The following RAD9B variants were observed in gnomAD, a reference collection of about 807,000 sequenced individuals.
The protein encoded by RAD9B is cell cycle checkpoint control protein RAD9B.
Under a neutral mutation model 48.3 loss-of-function variants are expected in RAD9B, and 41 were observed. That is an observed-to-expected ratio of 0.85 (90% confidence interval 0.66 to 1.10). RAD9B has a LOEUF of 1.10. RAD9B is among the 50% of genes least tolerant of loss of function. RAD9B has a pLI of 0.00. For synonymous variants in RAD9B, 160 were observed against 157.9 expected, an observed-to-expected ratio of 1.01 and a Z score of -0.10; for missense variants, 444 against 485.1, an observed-to-expected ratio of 0.92 and a Z score of 0.80.
At chr12:110,506,553 G>C (rs1344391407) in intron 3 of RAD9B, 26 bp from the exon 4 acceptor site, 1 of 1,055,266 alleles carries the variant, frequency 9.5e-7, no homozygotes, top group African/African-American at 1.6e-5. Flanking sequence ...TTAAGTATGT[G>C]CTTAATATGT....
chr12:110,503,366 TATGTTGGATAC>T (rs1354158407), intron 1 of RAD9B: 1 of 163,356 alleles, frequency 6.1e-6, no homozygotes, highest in Non-Finnish European at 1.3e-5. Context: ...ATCAGAGATG[TATGTTGGATAC>T]CCCTAATTTC....
In RAD9B at chr12:110,525,694, G is replaced by A. The variant is rs139170905; in HGVS notation, c.1125+3283G>A. On this transcript the variant is annotated intron_variant, in intron 10 of 10. Coordinates refer to ENST00000409300, the MANE Select transcript of RAD9B (RefSeq NM_001286535.2). ...TCTTTTAGCAACTGGTAAGTATTTT[G>A]TGGAGAGATACTTTGATACTATGTC... Among the ~76,000 whole-genome samples the A allele has an allele frequency of 1.9e-4, 29 of 152,044 alleles. 1 individual carries two copies. Among genetic ancestry groups the A allele is most frequent in the Non-Finnish European group, 3.7e-4 (25 of 67,980 alleles).
chr12:110,530,914 C>T lies in RAD9B; in HGVS notation c.*261C>T. ...TGAAGGAAAAAAGCCCATTAGAGTT[C>T]TTCAATTCAATGCACGTTCACCCTA... On this transcript the variant is annotated 3_prime_UTR_variant, in exon 11 of 11. Transcript: ENST00000409300. 2.5e-6 allele frequency: 3 copies of T among 1,193,570 alleles called. No individual in the cohort carries two copies. 73.9% of individuals were successfully genotyped at this position (1,193,570 alleles called of 1,614,324 possible). A position where few individuals can be genotyped will look rare whatever the true frequency, so the allele number is the denominator to read the frequency against.
chr12:110,503,809 T>C lies in RAD9B; in HGVS notation c.50T>C (p.Phe17Ser). The change falls in exon 2 of 11, where the codon TTT (phenylalanine) becomes TCT (serine). Residue 17 changes from phenylalanine to serine, a missense_variant. Coordinates refer to ENST00000409300, the MANE Select transcript of RAD9B (RefSeq NM_001286535.2). ...TCACCTTTCTTTTTCTCCATAGTAT[T>C]TGGGAAAGCAGTTCAAGCTCTATCA... is the stretch of plus-strand genomic sequence containing the variant. ...CVMSGSQVKV[F>S]GKAVQALSRI... is the part of the protein sequence containing the mutation. 2 of 1,606,710 alleles carry C rather than the reference T, an allele frequency of 1.2e-6. No individual in the cohort carries two copies. Among genetic ancestry groups the C allele is most frequent in the East Asian group, 2.2e-5 (1 of 44,778 alleles).
At chr12:110,520,628 CT>C (rs71083129) in intron 9 of RAD9B, among the ~76,000 whole-genome samples, 32 of 99,974 alleles carry the variant, frequency 3.2e-4, no homozygotes, top group Admixed American at 5.1e-4. Flanking sequence ...TTCTTGCTTT[CT>C]TTTTTTTTTT....
intron 6 of RAD9B, among the ~76,000 whole-genome samples, chr12:110,516,299 G>T (rs2063598413): frequency 6.6e-6 from 1 of 152,020 alleles, no homozygotes; most frequent in African/African-American, 2.4e-5. Flanking sequence ...GAAAGGGTCT[G>T]TTTTATGTAC....
At chr12:110,520,347 A>G (rs749193531) in intron 9 of RAD9B, among the ~76,000 whole-genome samples, 6 of 152,080 alleles carry the variant, frequency 3.9e-5, no homozygotes, top group Non-Finnish European at 8.8e-5. Context: ...AGCTGGGACT[A>G]TAGGCATGTG....
At position 110,512,824 on chromosome 12, in the gene RAD9B, T is replaced by C. The variant is rs1283265636; in HGVS notation, c.434T>C (p.Leu145Ser). 2.0e-6 allele frequency: 3 copies of C among 1,536,272 alleles called. No homozygotes were observed. The highest frequency in any genetic ancestry group is 2.7e-6 in the Non-Finnish European group (3 of 1,123,688). Residue 145 changes from leucine to serine, a missense_variant, in exon 5 of 11, where the codon TTG (leucine) becomes TCG (serine). Coordinates refer to ENST00000409300, the MANE Select transcript of RAD9B (RefSeq NM_001286535.2). ...ATATGTTTTCAAGAAAGTCAGCCTTTGCAAGTTATTTTTGACAAGAATGTT... is the reference window on the plus strand; with the variant it reads ...ATATGTTTTCAAGAAAGTCAGCCTTCGCAAGTTATTTTTGACAAGAATGTT... ...HNICFQESQPLQVIFDKNVCT... is the reference protein window; with the variant it reads ...HNICFQESQPSQVIFDKNVCT...
rs1256222131 is a variant in RAD9B, at chr12:110,531,188, T to C, written c.*535T>C. 2 of 987,094 alleles carry C rather than the reference T, an allele frequency of 2.0e-6. No individual in the cohort carries two copies. Among genetic ancestry groups the C allele is most frequent in the Non-Finnish European group, 1.2e-6 (1 of 822,784 alleles). 61.1% of individuals were successfully genotyped at this position (987,094 alleles called of 1,614,324 possible). On this transcript the variant is annotated 3_prime_UTR_variant, in exon 11 of 11. Coordinates refer to ENST00000409300, the MANE Select transcript of RAD9B (RefSeq NM_001286535.2). Reference sequence around the variant, plus strand: ...AAAAAAGATCAAGAGTAAAAATATATAGTCACTTTCACTTGGCTTTTTTAG... The same window carrying C: ...AAAAAAGATCAAGAGTAAAAATATACAGTCACTTTCACTTGGCTTTTTTAG...
intron 4 of RAD9B, among the ~76,000 whole-genome samples, chr12:110,510,449 A>G (rs778147369): frequency 2.6e-5 from 4 of 152,326 alleles, no homozygotes; most frequent in East Asian, 1.9e-4. Context: ...AGAATGCACC[A>G]TAAGTGTTAT....
At chr12:110,514,027 CCCTTCCTT>C (rs56718609) in intron 5 of RAD9B, among the ~76,000 whole-genome samples, 5 of 150,724 alleles carry the variant, frequency 3.3e-5, no homozygotes, top group African/African-American at 7.3e-5. Flanking sequence ...CACATCTGGT[CCCTTCCTT>C]CCTTCCTTCC....
At chr12:110,522,683 T>G (rs890892798) in intron 10 of RAD9B, among the ~76,000 whole-genome samples, 2 of 152,236 alleles carry the variant, frequency 1.3e-5, no homozygotes, top group Non-Finnish European at 2.9e-5. Context: ...GTCACTTGTT[T>G]CCAAGAATAA....
chr12:110,531,558 A>AT lies in RAD9B; in HGVS notation c.*911dup, dbSNP rs775896332. The AT allele has an allele frequency of 1.2e-5, 18 of 1,522,674 alleles. No homozygotes were observed. The African/African-American group carries it at 1.8e-4, about 15-fold the overall frequency. 94.3% of individuals were successfully genotyped at this position (1,522,674 alleles called of 1,614,324 possible). On this transcript the variant is annotated 3_prime_UTR_variant, in exon 11 of 11. Transcript: ENST00000409300. ...CAAATTGTTCTGATTTTCAGATGTG[A>AT]TTTTTTATTTTGCAGTGTGCTGCAG...
intron 10 of RAD9B, among the ~76,000 whole-genome samples, chr12:110,530,040 T>C (rs193096318): frequency 3.5e-4 from 53 of 152,156 alleles, no homozygotes; most frequent in African/African-American, 1.2e-3. Flanking sequence ...GGGAAAGGTT[T>C]GTTTTTTTTG....
chr12:110,520,699 G>A (rs1375637622), intron 9 of RAD9B, among the ~76,000 whole-genome samples: 1 of 135,154 alleles, frequency 7.4e-6, no homozygotes, highest in African/African-American at 2.8e-5. Context: ...TGCCCAGGCT[G>A]GAGTGCAGTG....
rs895450025 is a variant in RAD9B at position 110,531,089 on chromosome 12, T to C, written c.*436T>C. On this transcript the variant is annotated 3_prime_UTR_variant, in exon 11 of 11. Transcript: ENST00000409300. ...GATTGCAAACATTTGGATTTTAGTT[T>C]TCTCATGTAATACCATGGCCTTTTT... The C allele has an allele frequency of 2.0e-6, 2 of 995,364 alleles. No homozygotes were observed. Among genetic ancestry groups the C allele is most frequent in the Non-Finnish European group, 1.2e-6 (1 of 836,552 alleles). The allele number at this position is 995,364 out of a possible 1,614,324, so 61.7% of individuals were successfully genotyped here.
At chr12:110,509,332 T>C (rs1313598879) in intron 4 of RAD9B, among the ~76,000 whole-genome samples, 2 of 151,880 alleles carry the variant, frequency 1.3e-5, no homozygotes, top group African/African-American at 4.8e-5. Flanking sequence ...TCTTGAACTC[T>C]TGGGCTCAAG....
chr12:110,517,337 T>G (rs915620730), intron 6 of RAD9B, among the ~76,000 whole-genome samples: 3 of 150,822 alleles, frequency 2.0e-5, no homozygotes, highest in African/African-American at 7.3e-5. Flanking sequence ...TCAAAAAAAA[T>G]TAATGGGCCG....
chr12:110,515,415 T>C (rs148377820), intron 6 of RAD9B, among the ~76,000 whole-genome samples: 21,715 of 151,946 alleles, frequency 0.14, 2,123 homozygotes, highest in African/African-American at 0.28. Context: ...AATCCCAGCA[T>C]TTTGGGAGGC....
Sources: allele counts gnomAD v4.1 joint callset (sites outside exome capture counted in the v4.1 genomes callset), GRCh38; gene constraint gnomAD v4.1.1; transcripts MANE v1.5; gene names NCBI Gene and HGNC (gene_info 2026-07-23, HGNC 2026-07-21).